EBF3: variants seen among roughly 807,000 people sequenced by gnomAD.
The protein encoded by EBF3 is transcription factor COE3.
A neutral mutation model predicts 77.1 loss-of-function variants in EBF3; 18 were observed. That is an observed-to-expected ratio of 0.23 (90% CI 0.16 to 0.35). The LOEUF (loss-of-function observed/expected upper bound fraction) is 0.35. EBF3 is among the 10% of genes least tolerant of loss of function. The pLI, the probability that EBF3 is intolerant of heterozygous loss-of-function variation, is 1.00. For synonymous variants in EBF3, 350 were observed against 343.5 expected (o/e 1.02, Z -0.21); for missense variants, 558 against 860.0 (o/e 0.65, Z 4.39).
intron 11 of EBF3, chr10:129,845,638 C>T (rs1278155391): frequency 6.6e-6 from 1 of 152,042 alleles, no homozygotes; most frequent in Non-Finnish European, 1.5e-5. Flanking sequence ...GTTATGAATA[C>T]ATTGAAGAGT....
At chr10:129,914,871 G>T (rs529300202) in intron 6 of EBF3, among the ~76,000 whole-genome samples, 2 of 152,262 alleles carry the variant, frequency 1.3e-5, no homozygotes, top group South Asian at 4.1e-4. Flanking sequence ...AGACCCTCAG[G>T]GTCCCCTAGG....
intron 8 of EBF3, among the ~76,000 whole-genome samples, chr10:129,871,095 C>T (rs566170872): frequency 1.7e-4 from 26 of 152,164 alleles, no homozygotes; most frequent in South Asian, 8.3e-4. Context: ...GCTAAAGCCC[C>T]GCAGCCTGGA....
At chr10:129,840,464 C>T in intron 14 of EBF3, 22 bp from the exon 15 acceptor site, 1 of 1,545,900 alleles carries the variant, frequency 6.5e-7, no homozygotes, top group Non-Finnish European at 8.7e-7. Context: ...CAAACACGGT[C>T]AGCACGCGCG....
chr10:129,886,448 T>C (rs951620394), intron 6 of EBF3, among the ~76,000 whole-genome samples: 3 of 152,332 alleles, frequency 2.0e-5, no homozygotes, highest in Admixed American at 6.5e-5. Context: ...GGTCATCCAT[T>C]ACTCGGAACA....
chr10:129,962,371 A>G, intron 3 of EBF3, 145 bp from the exon 4 acceptor site: 1 of 690,192 alleles, frequency 1.4e-6, no homozygotes, highest in Non-Finnish European at 2.5e-6. Flanking sequence ...AGGGAGAAAG[A>G]GAACCCCACC....
rs113468693 is a variant in EBF3, at chr10:129,841,264, C to T, written c.1373-232G>A. On this transcript the variant is annotated intron_variant, in intron 13 of 16. Transcript: ENST00000440978. The surrounding 1 kb of genome is among the most constrained non-coding windows in gnomAD (Gnocchi z 4.6). ...CTGGCTTCAACAGCCAGCCGGGGCGCGCTTCGATCTCGCCGTCAGTGGCTT... is the reference window on the plus strand; with the variant it reads ...CTGGCTTCAACAGCCAGCCGGGGCGTGCTTCGATCTCGCCGTCAGTGGCTT... Among the ~76,000 whole-genome samples the T allele has an allele frequency of 0.051, 7,755 of 152,228 alleles. 480 individuals are homozygous for T. The highest frequency in any genetic ancestry group is 0.15 in the African/African-American group (6,186 of 41,506).
chr10:129,913,241 A>G (rs1855646120), intron 6 of EBF3, among the ~76,000 whole-genome samples: 1 of 152,258 alleles, frequency 6.6e-6, no homozygotes, highest in Non-Finnish European at 1.5e-5. Flanking sequence ...CATAAAGATA[A>G]CAAAACATTG....
At chr10:129,845,282 CGAATGGTGTTT>C in intron 11 of EBF3, 1 of 152,304 alleles carries the variant, frequency 6.6e-6, no homozygotes, top group Non-Finnish European at 1.5e-5. Flanking sequence ...ACATTAGCAC[CGAATGGTGTTT>C]GAAAAGCATT....
rs778533764 is a variant in EBF3 at position 129,959,005 on chromosome 10, G to A, written c.414C>T (p.Ala138=). The change falls in exon 5 of 17, where the codon GCC becomes GCT. Residue 138 remains alanine (A), a splice_region_variant and synonymous_variant. Coordinates refer to ENST00000440978, the MANE Select transcript of EBF3 (RefSeq NM_001375380.1). ...TCTTGTCCTGGCCCTCGTAGACGAT[G>A]GCCTGCGCGAGGGACAAGCAGAGGC... ...VRLIDSMTKQ[A]IVYEGQDKNP... is the part of the protein sequence containing the mutation. 5.0e-6 allele frequency: 8 copies of A among 1,598,404 alleles called. No individual in the cohort carries two copies. The highest frequency in any genetic ancestry group is 1.7e-5 in the Admixed American group (1 of 58,832).
chr10:129,868,110 C>T lies in EBF3; in HGVS notation c.782-198G>A, dbSNP rs569123164. 3.9e-5 allele frequency among the ~76,000 whole-genome samples: 6 copies of T among 152,320 alleles called. No homozygotes were observed. In the East Asian group the frequency reaches 1.2e-3, roughly 29 times the overall value. ...ATTAAATGTTTTATAAAGGAAAGGC[C>T]GAGCTGCGGAATACTAGTGAGCGAG... On this transcript the variant is annotated intron_variant, in intron 8 of 16. Coordinates refer to ENST00000440978, the MANE Select transcript of EBF3 (RefSeq NM_001375380.1).
At chr10:129,921,277 C>G (rs984935913) in intron 6 of EBF3, among the ~76,000 whole-genome samples, 1 of 152,120 alleles carries the variant, frequency 6.6e-6, no homozygotes. Context: ...TGCAGTGGGG[C>G]CATCCTGGGC....
intron 10 of EBF3, among the ~76,000 whole-genome samples, chr10:129,857,536 G>A (rs562732216): frequency 9.2e-5 from 14 of 152,252 alleles, no homozygotes; most frequent in African/African-American, 2.9e-4. Context: ...ATCTGCCAGC[G>A]CCTCATCTGC....
rs1318067771 is a variant in EBF3 at position 129,944,504 on chromosome 10, T to C, written c.554+12754A>G. ...GGAACATAAGTCAGATGAATTAATA[T>C]AGGCGGTGTAGGACCTCTCTTGCCA... On this transcript the variant is annotated intron_variant, in intron 6 of 16. Transcript: ENST00000440978. This position sits in a 1 kb window ranked among gnomAD's most constrained non-coding sequence, Gnocchi z 5.1. Among the ~76,000 whole-genome samples, 3 of 152,198 alleles carry C rather than the reference T, an allele frequency of 2.0e-5. No individual in the cohort carries two copies. The highest frequency in any genetic ancestry group is 3.8e-4 in the East Asian group (2 of 5,198).
At position 129,920,975 on chromosome 10, in the gene EBF3, G is replaced by C. The variant is rs185845024; in HGVS notation, c.554+36283C>G. On this transcript the variant is annotated intron_variant, in intron 6 of 16. Coordinates refer to ENST00000440978, the MANE Select transcript of EBF3 (RefSeq NM_001375380.1). ...CCCACCAGAAGGCTGTTGTGAGCCTGAGGTGCCCTCGGTGGTCTGGGGACA... is the reference window on the plus strand; with the variant it reads ...CCCACCAGAAGGCTGTTGTGAGCCTCAGGTGCCCTCGGTGGTCTGGGGACA... 7.6e-3 allele frequency among the ~76,000 whole-genome samples: 1,159 copies of C among 152,286 alleles called. 6 individuals carry two copies. Among genetic ancestry groups the C allele is most frequent in the Non-Finnish European group, 0.013 (867 of 68,020 alleles).
rs763628771 is a variant in EBF3 at position 129,841,047 on chromosome 10, C to CCCCG, written c.1373-16_1373-15insCGGG. 68 of 1,604,202 alleles carry CCCCG rather than the reference C, an allele frequency of 4.2e-5. 4 individuals carry two copies. Among genetic ancestry groups the CCCCG allele is most frequent in the Middle Eastern group, 1.9e-4 (1 of 5,320 alleles). On this transcript the variant is annotated splice_polypyrimidine_tract_variant and intron_variant, in intron 13 of 16. Transcript: ENST00000440978. The surrounding 1 kb of genome is among the most constrained non-coding windows in gnomAD (Gnocchi z 4.6). Reference sequence around the variant, plus strand: ...ACTGTAGCCGACTGTTGAAATCCCCCCCCCGGCCAAAAATAACATTATTAT... The same window carrying CCCCG: ...ACTGTAGCCGACTGTTGAAATCCCCCCCCGCCCCGGCCAAAAATAACATTATTAT...
At chr10:129,890,251 G>A (rs1853927750) in intron 6 of EBF3, among the ~76,000 whole-genome samples, 1 of 152,200 alleles carries the variant, frequency 6.6e-6, no homozygotes, top group Non-Finnish European at 1.5e-5. Flanking sequence ...ACCTTCAGCA[G>A]AAGGAACATC....
In EBF3 at chr10:129,842,338, G is replaced by T; in HGVS notation, c.1195-45C>A. ...GAGCCGGCCTGTCACCCCAGGCCCG[G>T]CCCAGCTGGCCGCACTCTCGGGGGC... On this transcript the variant is annotated intron_variant, in intron 12 of 16. Transcript: ENST00000440978. This position sits in a 1 kb window ranked among gnomAD's most constrained non-coding sequence, Gnocchi z 4.4. 1 of 1,528,076 alleles carries T rather than the reference G, an allele frequency of 6.5e-7. No individual in the cohort carries two copies. The allele number at this position is 1,528,076 out of a possible 1,614,324, so 94.7% of individuals were successfully genotyped here. A position where few individuals can be genotyped will look rare whatever the true frequency, so the allele number is the denominator to read the frequency against.
intron 6 of EBF3, among the ~76,000 whole-genome samples, chr10:129,914,826 G>A (rs1338600612): frequency 6.6e-6 from 1 of 152,184 alleles, no homozygotes; most frequent in Admixed American, 6.5e-5. Flanking sequence ...GCACCCAACG[G>A]GTGTCATGAG....
intron 6 of EBF3, among the ~76,000 whole-genome samples, chr10:129,893,274 T>G (rs1298271263): frequency 6.6e-6 from 1 of 152,222 alleles, no homozygotes; most frequent in Non-Finnish European, 1.5e-5. Context: ...GCCTAATGTT[T>G]GTCAAGCAAA....
Sources: allele counts gnomAD v4.1 joint callset (sites outside exome capture counted in the v4.1 genomes callset), GRCh38; gene constraint gnomAD v4.1.1; non-coding constraint Gnocchi (gnomAD v3.1); transcripts MANE v1.5; gene names NCBI Gene and HGNC (gene_info 2026-07-23, HGNC 2026-07-21).